The following RORA variants were observed in gnomAD, a reference collection of about 807,000 sequenced individuals.
The protein encoded by RORA is nuclear receptor ROR-alpha.
RORA carries 7 observed loss-of-function variants against 69.5 expected under a neutral mutation model. The ratio of observed to expected loss-of-function variants is 0.10; its 90% CI spans 0.06 to 0.19. The LOEUF is 0.19. Among genes scored for constraint, RORA ranks in the 10% least tolerant of loss-of-function variants. The probability of loss-of-function intolerance (pLI) is 1.00; values close to 1 mark genes in which losing one functional copy is unlikely to be tolerated. For synonymous variants in RORA, 261 were observed against 240.8 expected (o/e 1.08, Z -0.78); for missense variants, 457 against 663.0 (o/e 0.69, Z 3.41).
intron 2 of RORA, among the ~76,000 whole-genome samples, chr15:60,655,766 C>G (rs2070212526): frequency 6.6e-6 from 1 of 152,166 alleles, no homozygotes; most frequent in Non-Finnish European, 1.5e-5. Context: ...GACACAGACA[C>G]ATGTATTTGT....
rs112338441 is a variant in RORA, at chr15:60,874,000, A to C, written c.167-195314T>G. On this transcript the variant is annotated intron_variant, in intron 1 of 10. Transcript: ENST00000335670. ...TTAAAACAAATAACCTATTTTTTTCAATGTTAATATTAATTTTACCAAGCC... is the reference window on the plus strand; with the variant it reads ...TTAAAACAAATAACCTATTTTTTTCCATGTTAATATTAATTTTACCAAGCC... Among the ~76,000 whole-genome samples, 751 of 152,260 alleles carry C rather than the reference A, an allele frequency of 4.9e-3. 10 individuals are homozygous for C. Among genetic ancestry groups the C allele is most frequent in the African/African-American group, 0.017 (715 of 41,562 alleles).
rs1206662378 is a variant in RORA at position 60,516,220 on chromosome 15, TA to T, written c.283-1464del. On this transcript the variant is annotated intron_variant, in intron 3 of 10. Transcript: ENST00000335670. Reference sequence around the variant, plus strand: ...ATTTATATATATATTTATATATATATATTTATATATATATTTATATATATAT... The same window carrying T: ...ATTTATATATATATTTATATATATATTTTATATATATATTTATATATATAT... 1.7e-3 allele frequency among the ~76,000 whole-genome samples: 22 copies of T among 12,674 alleles called. 2 individuals are homozygous for T. The highest frequency in any genetic ancestry group is 5.2e-3 in the African/African-American group (20 of 3,838). The allele number at this position is 12,674 out of a possible 152,430, so 8.3% of individuals were successfully genotyped here.
intron 1 of RORA, among the ~76,000 whole-genome samples, chr15:60,702,910 A>G (rs1050176961): frequency 6.6e-6 from 1 of 152,172 alleles, no homozygotes; most frequent in African/African-American, 2.4e-5. Flanking sequence ...TATCTGTGGC[A>G]GTGCTGCGGA....
chr15:61,142,095 T>C (rs2079305148), intron 1 of RORA, among the ~76,000 whole-genome samples: 1 of 152,182 alleles, frequency 6.6e-6, no homozygotes, highest in African/African-American at 2.4e-5. Flanking sequence ...TCTGTGAATA[T>C]AACAGTAACA....
chr15:61,216,322 G>A (rs1183823236), intron 1 of RORA, among the ~76,000 whole-genome samples: 1 of 152,170 alleles, frequency 6.6e-6, no homozygotes, highest in Admixed American at 6.5e-5. Flanking sequence ...CTCAAATACT[G>A]TAACAGCAGA....
intron 1 of RORA, among the ~76,000 whole-genome samples, chr15:60,679,535 A>G (rs932118137): frequency 6.6e-6 from 1 of 152,200 alleles, no homozygotes; most frequent in Non-Finnish European, 1.5e-5. Flanking sequence ...CTTGAGACTA[A>G]GTAGGCTCAA....
intron 2 of RORA, among the ~76,000 whole-genome samples, chr15:60,564,538 G>T (rs2067661775): frequency 6.6e-6 from 1 of 152,142 alleles, no homozygotes; most frequent in Non-Finnish European, 1.5e-5. Flanking sequence ...GGGGTAAACT[G>T]AGGGTGACAA....
At chr15:60,830,666 G>A (rs1265112327) in intron 1 of RORA, among the ~76,000 whole-genome samples, 2 of 152,166 alleles carry the variant, frequency 1.3e-5, no homozygotes, top group Non-Finnish European at 2.9e-5. Flanking sequence ...TTCAAGTATG[G>A]CTGGATCTCA....
intron 1 of RORA, among the ~76,000 whole-genome samples, chr15:61,024,752 G>A (rs980508985): frequency 6.6e-6 from 1 of 151,614 alleles, no homozygotes. Flanking sequence ...ACCTGGTCCT[G>A]GCTACATTTT....
intron 1 of RORA, among the ~76,000 whole-genome samples, chr15:60,891,750 T>C (rs947537914): frequency 2.6e-5 from 4 of 152,222 alleles, no homozygotes; most frequent in Admixed American, 1.3e-4. Context: ...AAATGCAGCC[T>C]ACTCTGCATG....
At chr15:61,169,810 G>A (rs778292129) in intron 1 of RORA, among the ~76,000 whole-genome samples, 2 of 152,064 alleles carry the variant, frequency 1.3e-5, no homozygotes, top group African/African-American at 4.8e-5. Context: ...CCTGGTACAG[G>A]GCACCTGGGA....
intron 1 of RORA, among the ~76,000 whole-genome samples, chr15:61,049,056 G>A (rs16943570): frequency 0.017 from 2,596 of 152,140 alleles, 69 homozygotes; most frequent in African/African-American, 0.058. Flanking sequence ...GAACACCCTC[G>A]TGTCCCAACA....
intron 1 of RORA, among the ~76,000 whole-genome samples, chr15:61,126,680 C>G (rs1488618755): frequency 6.6e-6 from 1 of 152,186 alleles, no homozygotes; most frequent in East Asian, 1.9e-4. Context: ...TCAAAACACT[C>G]TCCCACATAC....
At chr15:61,027,219 G>A (rs991107975) in intron 1 of RORA, among the ~76,000 whole-genome samples, 2 of 151,156 alleles carry the variant, frequency 1.3e-5, no homozygotes, top group Non-Finnish European at 2.9e-5. Flanking sequence ...ATGAAGAGAG[G>A]ACTATTTAAG....
At chr15:61,185,235 C>G (rs186895030) in intron 1 of RORA, among the ~76,000 whole-genome samples, 82 of 152,176 alleles carry the variant, frequency 5.4e-4, no homozygotes, top group African/African-American at 1.8e-3. Context: ...AAGTGATTAT[C>G]TGCTGACACT....
intron 1 of RORA, among the ~76,000 whole-genome samples, chr15:60,993,889 A>G (rs1332694012): frequency 1.3e-5 from 2 of 152,182 alleles, no homozygotes; most frequent in Non-Finnish European, 2.9e-5. Context: ...AGGTAAATTG[A>G]TAAAACATTT....
chr15:61,105,923 A>C (rs2078944429), intron 1 of RORA, among the ~76,000 whole-genome samples: 1 of 152,242 alleles, frequency 6.6e-6, no homozygotes, highest in African/African-American at 2.4e-5. Flanking sequence ...ATAATGGAGA[A>C]GCAGCATGGA....
chr15:60,665,731 G>A (rs1169019193), intron 2 of RORA, among the ~76,000 whole-genome samples: 1 of 152,124 alleles, frequency 6.6e-6, no homozygotes, highest in Non-Finnish European at 1.5e-5. Flanking sequence ...TCGCTGTGCA[G>A]TGGTGTGATC....
At chr15:60,560,044 A>G (rs951026272) in intron 2 of RORA, among the ~76,000 whole-genome samples, 1 of 151,882 alleles carries the variant, frequency 6.6e-6, no homozygotes, top group Non-Finnish European at 1.5e-5. Flanking sequence ...TCATTTTTGG[A>G]TGATTTCAAC....
Sources: gnomAD v4.1 joint callset for allele counts (sites outside exome capture counted in the v4.1 genomes callset) on GRCh38, gnomAD v4.1.1 for gene constraint, MANE v1.5 for transcripts, NCBI Gene and HGNC (gene_info 2026-07-23, HGNC 2026-07-21) for gene names.